Variants in BANK1 observed in about 807,000 individuals in gnomAD.
The protein encoded by BANK1 is B-cell scaffold protein with ankyrin repeats.
In BANK1, 95 loss-of-function variants were observed where a neutral mutation model predicts 94.5. The ratio of observed to expected loss-of-function variants is 1.00; its 90% confidence interval spans 0.85 to 1.19. The LOEUF (loss-of-function observed/expected upper bound fraction) is 1.19. Ranked by LOEUF, BANK1 falls within the 50% of genes most tolerant of loss-of-function variation. The probability of loss-of-function intolerance (pLI) is 0.00; values close to 1 mark genes in which losing one functional copy is unlikely to be tolerated. For missense variants in BANK1, 987 were observed against 932.2 expected (o/e 1.06, Z -0.77); for synonymous variants, 334 against 308.4 (o/e 1.08, Z -0.87).
intron 1 of BANK1, among the ~76,000 whole-genome samples, chr4:101,822,274 A>G (rs1726186639): frequency 6.6e-6 from 1 of 151,564 alleles, no homozygotes; most frequent in Non-Finnish European, 1.5e-5. Context: ...GGAGGCTGAG[A>G]TGGGACGATC....
chr4:101,838,967 G>T (rs1306106799), intron 2 of BANK1, among the ~76,000 whole-genome samples: 2 of 152,124 alleles, frequency 1.3e-5, no homozygotes, highest in African/African-American at 4.8e-5. Flanking sequence ...ACACTGTTTT[G>T]CCATATTTTT....
At chr4:101,863,390 T>C (rs1727954507) in intron 4 of BANK1, among the ~76,000 whole-genome samples, 1 of 152,096 alleles carries the variant, frequency 6.6e-6, no homozygotes, top group Non-Finnish European at 1.5e-5. Flanking sequence ...ATCATCTTAT[T>C]AAACCTCATA....
chr4:101,917,098 A>G lies in BANK1; in HGVS notation c.1010-895A>G, dbSNP rs568008244. 3.3e-5 allele frequency among the ~76,000 whole-genome samples: 5 copies of G among 152,116 alleles called. No homozygotes were observed. In the East Asian group the frequency reaches 9.7e-4, roughly 29 times the overall value. On this transcript the variant is annotated intron_variant, in intron 6 of 16. Coordinates refer to ENST00000322953, the MANE Select transcript of BANK1 (RefSeq NM_017935.5). ...AAAGCAAATTGACAGTTTTCAAAAA[A>G]GCAATGAGATGGCTGTTTTCCATTG...
chr4:102,007,170 A>AT (rs1560682419), intron 7 of BANK1, among the ~76,000 whole-genome samples: 4 of 113,222 alleles, frequency 3.5e-5, no homozygotes, highest in Non-Finnish European at 5.6e-5. Context: ...ATATATATAT[A>AT]AAATCCCTAA....
intron 7 of BANK1, among the ~76,000 whole-genome samples, chr4:101,995,154 C>T (rs541161521): frequency 1.3e-5 from 2 of 151,872 alleles, no homozygotes; most frequent in East Asian, 3.9e-4. Flanking sequence ...TGTGTCCATG[C>T]GTTCTGATTC....
chr4:101,865,528 A>G (rs13101528), intron 4 of BANK1, among the ~76,000 whole-genome samples: 53,021 of 151,794 alleles, frequency 0.35, 9,607 homozygotes, highest in African/African-American at 0.4. Context: ...GCACAGGCCT[A>G]CTCTCCAGAA....
Position 102,060,406 on chromosome 4 carries a change from G to A in BANK1, c.2148+17G>A, listed in dbSNP as rs370027901. On this transcript the variant is annotated intron_variant, in intron 12 of 16. Coordinates refer to ENST00000322953, the MANE Select transcript of BANK1 (RefSeq NM_017935.5). ...ATTCAGCAGGTAATATTGGCCCAGT[G>A]TTTTCTGGGACATTCCCTCACTTGT... 114 of 1,586,678 alleles carry A rather than the reference G, an allele frequency of 7.2e-5. No homozygotes were observed. Among genetic ancestry groups the A allele is most frequent in the Non-Finnish European group, 7.9e-5 (92 of 1,170,362 alleles).
At chr4:101,986,873 A>ATGTGTGTGTG (rs1164357630) in intron 7 of BANK1, among the ~76,000 whole-genome samples, 7 of 46,888 alleles carry the variant, frequency 1.5e-4, no homozygotes, top group African/African-American at 3.1e-4. Context: ...ATATGTGTGT[A>ATGTGTGTGTG]TGTGTGTGTG....
At chr4:101,970,273 G>A (rs1724910448) in intron 7 of BANK1, among the ~76,000 whole-genome samples, 1 of 152,140 alleles carries the variant, frequency 6.6e-6, no homozygotes, top group Non-Finnish European at 1.5e-5. Context: ...TATTGTTATA[G>A]TTAAGCAATT....
intron 7 of BANK1, among the ~76,000 whole-genome samples, chr4:102,013,701 T>A (rs188095385): frequency 2.0e-5 from 3 of 152,142 alleles, no homozygotes; most frequent in Non-Finnish European, 4.4e-5. Flanking sequence ...GAGGTCTTTT[T>A]TTTTAATCTT....
intron 11 of BANK1, among the ~76,000 whole-genome samples, chr4:102,049,323 A>T (rs1455469289): frequency 6.6e-6 from 1 of 152,210 alleles, no homozygotes; most frequent in African/African-American, 2.4e-5. Flanking sequence ...ATATCTGGCT[A>T]ATTTTCCTTG....
At chr4:101,984,367 T>C (rs1329645033) in intron 7 of BANK1, among the ~76,000 whole-genome samples, 1 of 152,044 alleles carries the variant, frequency 6.6e-6, no homozygotes, top group Non-Finnish European at 1.5e-5. Flanking sequence ...GTAGTTATTC[T>C]CTTTATAGAA....
chr4:101,818,241 A>G lies in BANK1; in HGVS notation c.71-11567A>G, dbSNP rs138664242. Among the ~76,000 whole-genome samples the G allele has an allele frequency of 8.8e-4, 134 of 152,296 alleles. 1 individual carries two copies. The highest frequency in any genetic ancestry group is 3.0e-3 in the African/African-American group (125 of 41,576). On this transcript the variant is annotated intron_variant, in intron 1 of 16. Coordinates refer to ENST00000322953, the MANE Select transcript of BANK1 (RefSeq NM_017935.5). ...GTTTCTACCAAGTGACTGCAAACTG[A>G]TTATTATCTTTATTCATTGCAATTA... is the stretch of plus-strand genomic sequence containing the variant.
chr4:101,891,846 T>G (rs1382884057), intron 5 of BANK1, among the ~76,000 whole-genome samples: 1 of 152,068 alleles, frequency 6.6e-6, no homozygotes, highest in Non-Finnish European at 1.5e-5. Context: ...TCTTTGTATC[T>G]TCTATTTATT....
intron 5 of BANK1, among the ~76,000 whole-genome samples, chr4:101,878,932 C>A (rs1370570286): frequency 6.6e-6 from 1 of 151,468 alleles, no homozygotes; most frequent in Non-Finnish European, 1.5e-5. Context: ...ATACCAAAAT[C>A]TATGAGATAC....
Position 101,858,496 on chromosome 4 carries a change from T to G in BANK1, c.624+3307T>G, listed in dbSNP as rs894619426. Reference sequence around the variant, plus strand: ...TTATTTTCTTTATCTCTTTTTTTCTTTAAACCCAGATCTTTAAATATATCA... The same window carrying G: ...TTATTTTCTTTATCTCTTTTTTTCTGTAAACCCAGATCTTTAAATATATCA... On this transcript the variant is annotated intron_variant, in intron 3 of 16. Coordinates refer to ENST00000322953, the MANE Select transcript of BANK1 (RefSeq NM_017935.5). Among the ~76,000 whole-genome samples the G allele has an allele frequency of 2.0e-5, 3 of 152,336 alleles. No homozygotes were observed. The South Asian group carries it at 6.2e-4, about 32-fold the overall frequency.
At chr4:102,030,378 A>AT (rs1560697201) in intron 10 of BANK1, 113 bp downstream of exon 10, 31 of 1,089,506 alleles carry the variant, frequency 2.8e-5, no homozygotes, top group Non-Finnish European at 3.7e-5. Flanking sequence ...AAGAGTAAAC[A>AT]TTTTTTTTCA....
At chr4:101,798,650 A>G (rs896533515) in intron 1 of BANK1, among the ~76,000 whole-genome samples, 1 of 152,128 alleles carries the variant, frequency 6.6e-6, no homozygotes, top group African/African-American at 2.4e-5. Flanking sequence ...AGTGATTGCT[A>G]TTCTAACTGG....
intron 7 of BANK1, among the ~76,000 whole-genome samples, chr4:101,954,175 A>C (rs1262009384): frequency 1.3e-5 from 2 of 152,122 alleles, no homozygotes; most frequent in Non-Finnish European, 2.9e-5. Flanking sequence ...GGCTCTCTTA[A>C]AAGGACATCA....
Sources: gnomAD v4.1 joint callset for allele counts (sites outside exome capture counted in the v4.1 genomes callset) on GRCh38, gnomAD v4.1.1 for gene constraint, MANE v1.5 for transcripts, NCBI Gene and HGNC (gene_info 2026-07-23, HGNC 2026-07-21) for gene names.